Variants in CCDC91 observed in about 807,000 individuals in gnomAD.
CCDC91 encodes the protein coiled-coil domain containing 91, also known as coiled-coil domain-containing protein 91.
CCDC91 carries 48 observed loss-of-function variants against 63.2 expected under a neutral mutation model. The ratio of observed to expected loss-of-function variants is 0.76; its 90% CI spans 0.60 to 0.97. The LOEUF (loss-of-function observed/expected upper bound fraction) is 0.97. Among genes scored for constraint, CCDC91 ranks in the 50% least tolerant of loss-of-function variants. CCDC91 has a pLI of 0.00. For missense variants in CCDC91, 500 were observed against 494.6 expected, an observed-to-expected ratio of 1.01 and a Z score of -0.10; for synonymous variants, 167 against 165.8, an observed-to-expected ratio of 1.01 and a Z score of -0.06.
At chr12:28,400,950 A>C (rs1465723795) in intron 8 of CCDC91, among the ~76,000 whole-genome samples, 3 of 152,126 alleles carry the variant, frequency 2.0e-5, no homozygotes, top group Non-Finnish European at 4.4e-5. Context: ...AAACTTTCCC[A>C]CATCTTCCTG....
intron 1 of CCDC91, among the ~76,000 whole-genome samples, chr12:28,201,215 G>C (rs9685955): frequency 6.8e-6 from 1 of 148,048 alleles, no homozygotes; most frequent in Admixed American, 6.7e-5. Flanking sequence ...GGGCGGAGGG[G>C]CTCCTCACTT....
intron 12 of CCDC91, among the ~76,000 whole-genome samples, chr12:28,519,019 G>C (rs1940277412): frequency 6.6e-6 from 1 of 151,730 alleles, no homozygotes; most frequent in South Asian, 2.1e-4. Flanking sequence ...TCTTGCTTTG[G>C]CTATACAGGC....
At chr12:28,358,927 G>A (rs1389090816) in intron 6 of CCDC91, among the ~76,000 whole-genome samples, 2 of 152,026 alleles carry the variant, frequency 1.3e-5, no homozygotes, top group Admixed American at 6.5e-5. Context: ...ACAGAGTCTT[G>A]CTCTGTTGCC....
chr12:28,335,878 T>C (rs994029192), intron 6 of CCDC91, among the ~76,000 whole-genome samples: 3 of 151,918 alleles, frequency 2.0e-5, no homozygotes, highest in African/African-American at 7.3e-5. Context: ...GCTTTATGAG[T>C]GCCAGTTCTT....
Position 28,341,906 on chromosome 12 carries a change from A to G in CCDC91, c.577-20532A>G, listed in dbSNP as rs536146576. The stretch of plus-strand genomic sequence containing the variant: ...TAAGAAAAGACTGTTGTGTAGATGT[A>G]TTAGGCAAAATATTGCCCTCTTAAG... On this transcript the variant is annotated intron_variant, in intron 6 of 12. Coordinates refer to ENST00000536442, the MANE Select transcript of CCDC91 (RefSeq NM_018318.5). 1.4e-4 allele frequency among the ~76,000 whole-genome samples: 22 copies of G among 151,854 alleles called. No homozygotes were observed. The South Asian group carries it at 3.5e-3, about 24-fold the overall frequency.
Position 28,452,606 on chromosome 12 carries a change from A to G in CCDC91, c.1053A>G (p.Val351=). 1.9e-6 allele frequency: 3 copies of G among 1,577,404 alleles called. No individual in the cohort carries two copies. Among genetic ancestry groups the G allele is most frequent in the Non-Finnish European group, 2.6e-6 (3 of 1,162,730 alleles). ...AACATGCAAAAGATCAAGAAAAAGT[A>G]TCTCAGGAAATTCAAAAAGCTATAC... ...KTEHAKDQEK[V]SQEIQKAIQE... The change falls in exon 11 of 13, where the codon GTA becomes GTG. Residue 351 remains valine, a synonymous_variant. Transcript: ENST00000536442.
chr12:28,241,774 T>A (rs1445071849), intron 1 of CCDC91, among the ~76,000 whole-genome samples: 3 of 151,926 alleles, frequency 2.0e-5, no homozygotes, highest in Non-Finnish European at 4.4e-5. Flanking sequence ...GGCAGGCAGA[T>A]CACCTGAGGT....
intron 3 of CCDC91, among the ~76,000 whole-genome samples, chr12:28,275,288 A>G (rs1234317278): frequency 2.0e-5 from 3 of 152,170 alleles, no homozygotes; most frequent in Non-Finnish European, 4.4e-5. Flanking sequence ...TAAAGGGGAT[A>G]TCACCACCCA....
intron 1 of CCDC91, among the ~76,000 whole-genome samples, chr12:28,199,416 A>G (rs1326843281): frequency 5.3e-5 from 8 of 152,166 alleles, no homozygotes; most frequent in Admixed American, 1.3e-4. Flanking sequence ...GTATCCATTA[A>G]CACTGATTTA....
intron 7 of CCDC91, among the ~76,000 whole-genome samples, chr12:28,389,118 C>T (rs1443270381): frequency 2.6e-5 from 4 of 152,032 alleles, no homozygotes; most frequent in African/African-American, 9.7e-5. Flanking sequence ...GACTAATATC[C>T]GGAATCGACA....
chr12:28,514,801 T>C (rs1939760413), intron 12 of CCDC91, among the ~76,000 whole-genome samples: 1 of 151,856 alleles, frequency 6.6e-6, no homozygotes, highest in African/African-American at 2.4e-5. Context: ...TGGTTGTAGG[T>C]GTGAGGCTTT....
chr12:28,267,115 A>C (rs1435031475), intron 3 of CCDC91, among the ~76,000 whole-genome samples: 1 of 151,900 alleles, frequency 6.6e-6, no homozygotes, highest in South Asian at 2.1e-4. Context: ...ATAATGCAAA[A>C]GATATACAGT....
At chr12:28,378,822 C>G (rs1945103343) in intron 7 of CCDC91, among the ~76,000 whole-genome samples, 1 of 152,046 alleles carries the variant, frequency 6.6e-6, no homozygotes, top group African/African-American at 2.4e-5. Flanking sequence ...AAGGACTTGG[C>G]TTGTCCTTTC....
rs1357047782 is a variant in CCDC91, at chr12:28,193,216, C to T, written c.-15+2575C>T. On this transcript the variant is annotated intron_variant, in intron 1 of 12. Transcript: ENST00000536442. ...GTGCTGTTCTTTGTACATTAAGGTG[C>T]AAGTCTTTGTGTAGACATATGTTTT... is the stretch of plus-strand genomic sequence containing the variant. Among the ~76,000 whole-genome samples, 3 of 152,166 alleles carry T rather than the reference C, an allele frequency of 2.0e-5. No individual in the cohort carries two copies. The South Asian group carries it at 6.2e-4, about 32-fold the overall frequency.
chr12:28,506,690 G>A (rs1264505386), intron 12 of CCDC91, among the ~76,000 whole-genome samples: 1 of 151,862 alleles, frequency 6.6e-6, no homozygotes, highest in Non-Finnish European at 1.5e-5. Context: ...TCATTTTACA[G>A]GTAAGAAAAC....
chr12:28,300,993 T>C (rs1285841884), intron 3 of CCDC91, among the ~76,000 whole-genome samples: 3 of 151,728 alleles, frequency 2.0e-5, no homozygotes, highest in Non-Finnish European at 3.0e-5. Flanking sequence ...TTAGAGTTAA[T>C]TTTATATGTA....
chr12:28,474,298 T>C (rs1049647357), intron 11 of CCDC91, among the ~76,000 whole-genome samples: 2 of 151,554 alleles, frequency 1.3e-5, no homozygotes, highest in Non-Finnish European at 2.9e-5. Flanking sequence ...ACAACATTCA[T>C]GGCACTCAAA....
chr12:28,496,971 T>A (rs1331237077), intron 12 of CCDC91, among the ~76,000 whole-genome samples: 2 of 147,904 alleles, frequency 1.4e-5, no homozygotes, highest in African/African-American at 2.5e-5. Context: ...TGTAGGATTT[T>A]TTGTAAATTT....
intron 12 of CCDC91, among the ~76,000 whole-genome samples, chr12:28,545,149 AT>A (rs1942899845): frequency 6.6e-6 from 1 of 152,070 alleles, no homozygotes; most frequent in South Asian, 2.1e-4. Flanking sequence ...TATCAAAAAA[AT>A]ATTTGCCACC....
Sources: gnomAD v4.1 joint callset for allele counts (sites outside exome capture counted in the v4.1 genomes callset) on GRCh38, gnomAD v4.1.1 for gene constraint, MANE v1.5 for transcripts, NCBI Gene and HGNC (gene_info 2026-07-23, HGNC 2026-07-21) for gene names.